TMEM165: variants seen among roughly 807,000 people sequenced by gnomAD.
TMEM165 encodes the protein putative divalent cation/proton antiporter TMEM165.
In TMEM165, 19 loss-of-function variants were observed where a neutral mutation model predicts 30.0. That is an observed-to-expected ratio of 0.63 (90% CI 0.44 to 0.93). TMEM165 has a LOEUF of 0.93. Ranked by LOEUF, TMEM165 falls within the 40% of genes least tolerant of loss-of-function variation. TMEM165 has a pLI of 0.00. For missense variants in TMEM165, 340 were observed against 417.0 expected (o/e 0.82, Z 1.61); for synonymous variants, 168 against 162.9 (o/e 1.03, Z -0.24).
exon 4 of TMEM165, chr4:55,453,352 A>G (rs1386734798): frequency 5.9e-6 from 3 of 508,584 alleles, no homozygotes; most frequent in Non-Finnish European, 1.0e-5. Flanking sequence ...TAACCACACA[A>G]TACTTAAATT....
intron 4 of TMEM165, among the ~76,000 whole-genome samples, chr4:55,422,889 G>A (rs1426542634): frequency 6.6e-6 from 1 of 151,954 alleles, no homozygotes; most frequent in East Asian, 1.9e-4. Context: ...ACCCTCCTCG[G>A]CCTCCCAAAG....
chr4:55,431,519 T>C (rs1455596710), intron 3 of TMEM165: 1 of 151,308 alleles, frequency 6.6e-6, no homozygotes, highest in Admixed American at 6.5e-5. Flanking sequence ...GTTTCTTCTC[T>C]ACCATTCAAA....
chr4:55,417,052 T>C lies in TMEM165; in HGVS notation c.434-20T>C, dbSNP rs1050443368. On this transcript the variant is annotated intron_variant, in intron 2 of 5. Coordinates refer to ENST00000381334, the MANE Select transcript of TMEM165 (RefSeq NM_018475.5). ...GTGATACACACTCGATTAACAAACATACTGTTGTATTTTTTCCAGTTTTGT... is the reference window on the plus strand; with the variant it reads ...GTGATACACACTCGATTAACAAACACACTGTTGTATTTTTTCCAGTTTTGT... 4 of 1,575,458 alleles carry C rather than the reference T, an allele frequency of 2.5e-6. No individual in the cohort carries two copies. Among genetic ancestry groups the C allele is most frequent in the African/African-American group, 1.4e-5 (1 of 73,176 alleles).
In TMEM165 at chr4:55,440,097, CAT is replaced by C. The variant is rs1223752982; in HGVS notation, c.409-12141_409-12140del. On this transcript the variant is annotated intron_variant, in intron 3 of 3. Coordinates refer to the TMEM165 transcript ENST00000608091. Reference sequence around the variant, plus strand: ...CTAGGGGTGTCAGATATATGTGGCACATGATTCATCTGCTACACTGGCACACA... The same window carrying C: ...CTAGGGGTGTCAGATATATGTGGCACGATTCATCTGCTACACTGGCACACA... 7.9e-5 allele frequency among the ~76,000 whole-genome samples: 12 copies of C among 152,082 alleles called. No individual in the cohort carries two copies. In the East Asian group the frequency reaches 1.7e-3, roughly 22 times the overall value.
At position 55,450,107 on chromosome 4, in the gene TMEM165, G is replaced by C. The variant is rs762362672; in HGVS notation, c.409-2132G>C. 5 of 1,613,960 alleles carry C rather than the reference G, an allele frequency of 3.1e-6. No individual in the cohort carries two copies. The East Asian group carries it at 1.1e-4, about 36-fold the overall frequency. ...GGTACTCACAGGAAGGGTCTGAGAC[G>C]GCCGTGTGAGATGATTTTCTTGAAC... On this transcript the variant is annotated intron_variant, in intron 3 of 3. Coordinates refer to the TMEM165 transcript ENST00000608091.
At chr4:55,449,992 T>C (rs901878977) in intron 3 of TMEM165, 44 of 1,406,960 alleles carry the variant, frequency 3.1e-5, no homozygotes, top group Admixed American at 2.7e-4. Context: ...TAAAAACTTA[T>C]AATTTTAAAG....
intron 1 of TMEM165, among the ~76,000 whole-genome samples, chr4:55,411,148 AAAAG>A (rs1721478810): frequency 6.6e-6 from 1 of 152,078 alleles, no homozygotes; most frequent in South Asian, 2.1e-4. Context: ...AAAAAAAAAA[AAAAG>A]GGAATTTTAA....
At chr4:55,430,723 C>T (rs531668311), downstream of TMEM165, 1 of 152,146 alleles carries the variant, frequency 6.6e-6, no homozygotes, top group Non-Finnish European at 1.5e-5. Context: ...TTATTATATT[C>T]TAAAATGTTA....
In TMEM165 at chr4:55,425,361, T is replaced by A. The variant is rs7660517; in HGVS notation, c.899-15T>A. 6.2e-7 allele frequency: 1 copy of A among 1,605,242 alleles called. No homozygotes were observed. Among genetic ancestry groups the A allele is most frequent in the Non-Finnish European group, 8.5e-7 (1 of 1,173,486 alleles). ...GGAATTTTACTGTATTTGACTTTTT[T>A]TCTCTCTCTTCCAGTGACAATCATA... On this transcript the variant is annotated splice_polypyrimidine_tract_variant and intron_variant, in intron 5 of 5. Coordinates refer to ENST00000381334, the MANE Select transcript of TMEM165 (RefSeq NM_018475.5).
At chr4:55,448,606 G>A (rs1349318662) in intron 3 of TMEM165, among the ~76,000 whole-genome samples, 3 of 40,802 alleles carry the variant, frequency 7.4e-5, no homozygotes, top group Non-Finnish European at 1.2e-4. Flanking sequence ...GCGCGCGTGT[G>A]TGTGTGTGTG....
chr4:55,431,728 A>G (rs1722516587), intron 3 of TMEM165: 2 of 152,252 alleles, frequency 1.3e-5, no homozygotes, highest in African/African-American at 2.4e-5. Flanking sequence ...AAGCAGAAAT[A>G]CTAAAGTAAA....
chr4:55,444,693 T>C, intron 3 of TMEM165: 1 of 1,614,178 alleles, frequency 6.2e-7, no homozygotes, highest in Non-Finnish European at 8.5e-7. Flanking sequence ...GTTCTTCTTG[T>C]TGCCGATGAA....
At chr4:55,396,467 G>C (rs1411658064) in intron 1 of TMEM165, 71 bp downstream of exon 1, 14 of 1,271,878 alleles carry the variant, frequency 1.1e-5, no homozygotes, top group Non-Finnish European at 2.0e-6. Flanking sequence ...CCAGGCCTTT[G>C]AAAGCGCCGC....
Position 55,425,482 on chromosome 4 carries a change from A to AAACT in TMEM165, c.*32_*33insCTAA. On this transcript the variant is annotated 3_prime_UTR_variant, in exon 6 of 6. Transcript: ENST00000381334. ...CTGTTTGTTCATCTATATTTAGTTT[A>AAACT]AAATAGGTAGTATTATCTTTCTGTA... The AAACT allele has an allele frequency of 6.6e-7, 1 of 1,515,778 alleles. No homozygotes were observed. Among genetic ancestry groups the AAACT allele is most frequent in the African/African-American group, 1.4e-5 (1 of 72,820 alleles). The allele number at this position is 1,515,778 out of a possible 1,614,324, so 93.9% of individuals were successfully genotyped here.
At chr4:55,429,113 T>C (rs1203257607), downstream of TMEM165, 1 of 152,084 alleles carries the variant, frequency 6.6e-6, no homozygotes. Flanking sequence ...TTGCCAGCAG[T>C]GAACTTGCAC....
chr4:55,420,110 T>A (rs181120378), intron 4 of TMEM165, among the ~76,000 whole-genome samples: 9,787 of 40,886 alleles, frequency 0.24, 1,723 homozygotes, highest in African/African-American at 0.43. Context: ...AAAAAAAATA[T>A]ATATATATAT....
downstream of TMEM165, chr4:55,428,703 C>T (rs1260265783): frequency 2.0e-5 from 3 of 152,020 alleles, no homozygotes; most frequent in African/African-American, 7.2e-5. Flanking sequence ...ACATTGAGAA[C>T]CACACAGAAC....
chr4:55,396,592 G>T (rs1444662001), intron 1 of TMEM165, among the ~76,000 whole-genome samples, 196 bp downstream of exon 1: 1 of 152,218 alleles, frequency 6.6e-6, no homozygotes, highest in African/African-American at 2.4e-5. Flanking sequence ...TTAGGGAAAG[G>T]GAGAGGGAGA....
At chr4:55,429,659 A>G (rs1396421601), downstream of TMEM165, 1 of 152,230 alleles carries the variant, frequency 6.6e-6, no homozygotes, top group African/African-American at 2.4e-5. Flanking sequence ...CATTTCCCCA[A>G]ATGGGCAAAA....
Sources: allele counts gnomAD v4.1 joint callset (sites outside exome capture counted in the v4.1 genomes callset), GRCh38; gene constraint gnomAD v4.1.1; transcripts MANE v1.5; gene names NCBI Gene and HGNC (gene_info 2026-07-23, HGNC 2026-07-21).